SERPINA12: variants seen among roughly 807,000 people sequenced by gnomAD.
SERPINA12 encodes the protein serpin A12.
SERPINA12 carries 21 observed loss-of-function variants against 25.9 expected under a neutral mutation model. The ratio of observed to expected loss-of-function variants is 0.81; its 90% CI spans 0.58 to 1.17. The LOEUF is 1.17. Ranked by LOEUF, SERPINA12 falls within the 50% of genes most tolerant of loss-of-function variation. SERPINA12 has a pLI of 0.00. For synonymous variants in SERPINA12, 220 were observed against 196.0 expected, an observed-to-expected ratio of 1.12 and a Z score of -1.02; for missense variants, 562 against 508.3, an observed-to-expected ratio of 1.11 and a Z score of -1.02.
At chr14:94,515,649 C>CAGCAGTGCAGATGCAGGCA (rs1325231720) in intron 2 of SERPINA12, among the ~76,000 whole-genome samples, 1 of 151,658 alleles carries the variant, frequency 6.6e-6, no homozygotes, top group Non-Finnish European at 1.5e-5. Flanking sequence ...GGCCAAAATC[C>CAGCAGTGCAGATGCAGGCA]AGCAGTGCAG....
chr14:94,495,347 C>A (rs1446617321), intron 3 of SERPINA12, among the ~76,000 whole-genome samples: 1 of 152,042 alleles, frequency 6.6e-6, no homozygotes, highest in Non-Finnish European at 1.5e-5. Context: ...GGATTACAGG[C>A]GTGAGCCACC....
chr14:94,487,590 G>A (rs2139842449), intron 4 of SERPINA12, 96 bp from the exon 5 acceptor site: 1 of 1,045,730 alleles, frequency 9.6e-7, no homozygotes, highest in Non-Finnish European at 1.4e-6. Flanking sequence ...AGACCACTTG[G>A]CCCAAGCCAT....
chr14:94,513,011 C>T (rs1011526424), upstream of SERPINA12, among the ~76,000 whole-genome samples: 2 of 152,216 alleles, frequency 1.3e-5, no homozygotes, highest in African/African-American at 4.8e-5. Flanking sequence ...ATTACCAGCT[C>T]AAGCCACTAG....
upstream of SERPINA12, among the ~76,000 whole-genome samples, chr14:94,512,349 G>A (rs745519662): frequency 2.6e-5 from 4 of 152,168 alleles, no homozygotes; most frequent in Admixed American, 1.3e-4. Context: ...ATTTCCATCT[G>A]CCCAATGGGA....
Position 94,515,638 on chromosome 14 carries a change from C to A in SERPINA12, c.-18+182G>T, listed in dbSNP as rs79981393. Among the ~76,000 whole-genome samples, 651 of 152,284 alleles carry A rather than the reference C, an allele frequency of 4.3e-3. 3 individuals carry two copies. Among genetic ancestry groups the A allele is most frequent in the African/African-American group, 0.015 (622 of 41,566 alleles). On this transcript the variant is annotated intron_variant, in intron 2 of 5. Transcript: ENST00000341228. ...TGTGCTCAAGGAGCTGATACTCAAACGGCCAAAATCCAGCAGTGCAGATGC... is the reference window on the plus strand; with the variant it reads ...TGTGCTCAAGGAGCTGATACTCAAAAGGCCAAAATCCAGCAGTGCAGATGC...
intron 1 of SERPINA12, among the ~76,000 whole-genome samples, chr14:94,502,502 T>C (rs1034900410): frequency 1.3e-5 from 2 of 152,140 alleles, no homozygotes; most frequent in African/African-American, 4.8e-5. Context: ...TCCCCCGTTA[T>C]CACCACAGTT....
At chr14:94,513,077 C>T (rs1281095861), upstream of SERPINA12, among the ~76,000 whole-genome samples, 9 of 152,220 alleles carry the variant, frequency 5.9e-5, no homozygotes, top group Admixed American at 5.9e-4. Flanking sequence ...TCCCACGGCT[C>T]ACCATGCAGG....
chr14:94,517,293 C>G (rs774055320), intron 1 of SERPINA12: 1 of 152,310 alleles, frequency 6.6e-6, no homozygotes. Flanking sequence ...AGCGTCTTCT[C>G]GCTACTCACC....
chr14:94,492,430 G>C (rs1199829622), intron 3 of SERPINA12, among the ~76,000 whole-genome samples: 2 of 152,188 alleles, frequency 1.3e-5, no homozygotes, highest in Non-Finnish European at 2.9e-5. Flanking sequence ...ATACAGGCCT[G>C]CCTGCACAGA....
At chr14:94,492,659 G>A (rs193066063) in intron 3 of SERPINA12, among the ~76,000 whole-genome samples, 4 of 152,372 alleles carry the variant, frequency 2.6e-5, no homozygotes, top group East Asian at 1.9e-4. Context: ...GGTCCAGTGC[G>A]TAAATGAGGA....
intron 3 of SERPINA12, among the ~76,000 whole-genome samples, chr14:94,493,573 A>C (rs553059741): frequency 2.6e-5 from 4 of 152,254 alleles, no homozygotes; most frequent in African/African-American, 9.6e-5. Flanking sequence ...ACTTCACAAG[A>C]CGCCACTGAG....
intron 1 of SERPINA12, among the ~76,000 whole-genome samples, chr14:94,508,771 C>G (rs941206841): frequency 1.3e-5 from 2 of 152,080 alleles, no homozygotes; most frequent in African/African-American, 2.4e-5. Context: ...CAATAAGTAA[C>G]CACATGTGTT....
upstream of SERPINA12, chr14:94,511,881 TG>T (rs981281886): frequency 4.3e-5 from 9 of 209,852 alleles, no homozygotes; most frequent in Non-Finnish European, 6.6e-5. Context: ...GTGGATTGCT[TG>T]AGGTCAGGAG....
At chr14:94,492,027 G>T (rs1289077723) in intron 3 of SERPINA12, among the ~76,000 whole-genome samples, 1 of 152,160 alleles carries the variant, frequency 6.6e-6, no homozygotes, top group Non-Finnish European at 1.5e-5. Flanking sequence ...GGAGGAGAGG[G>T]GTCTCCAGCA....
chr14:94,507,378 G>A (rs777674890), intron 1 of SERPINA12, among the ~76,000 whole-genome samples: 2 of 152,148 alleles, frequency 1.3e-5, no homozygotes, highest in Admixed American at 6.5e-5. Flanking sequence ...TTAACATTAA[G>A]AGCCTTGTTC....
intron 1 of SERPINA12, among the ~76,000 whole-genome samples, chr14:94,502,749 T>C (rs1900781495): frequency 6.6e-6 from 1 of 152,230 alleles, no homozygotes. Flanking sequence ...TTTAGAATGC[T>C]TTGGACAAGT....
At chr14:94,506,216 A>G (rs74077740) in intron 1 of SERPINA12, among the ~76,000 whole-genome samples, 304 of 152,246 alleles carry the variant, frequency 2.0e-3, no homozygotes, top group African/African-American at 6.0e-3. Context: ...TATTTTTTAC[A>G]TTATTGCCAT....
At chr14:94,505,072 A>C (rs1900884744) in intron 1 of SERPINA12, among the ~76,000 whole-genome samples, 1 of 152,192 alleles carries the variant, frequency 6.6e-6, no homozygotes, top group Admixed American at 6.5e-5. Flanking sequence ...AGCAGAAAAA[A>C]CATTCACATA....
intron 3 of SERPINA12, among the ~76,000 whole-genome samples, chr14:94,495,391 C>A (rs962987235): frequency 5.3e-5 from 8 of 152,136 alleles, no homozygotes; most frequent in Admixed American, 5.2e-4. Flanking sequence ...CTTAAGTCTG[C>A]AGCTCACTCT....
Sources: gnomAD v4.1 joint callset for allele counts (sites outside exome capture counted in the v4.1 genomes callset) on GRCh38, gnomAD v4.1.1 for gene constraint, MANE v1.5 for transcripts, NCBI Gene and HGNC (gene_info 2026-07-23, HGNC 2026-07-21) for gene names.